Variants in CWF19L2 observed in about 807,000 individuals in gnomAD.
The protein encoded by CWF19L2 is CWF19 like cell cycle control factor 2.
Under a neutral mutation model 111.7 loss-of-function variants are expected in CWF19L2, and 98 were observed. That is an observed-to-expected ratio of 0.88 (90% CI 0.75 to 1.04). The LOEUF is 1.04. Ranked by LOEUF, CWF19L2 falls within the 50% of genes least tolerant of loss-of-function variation. The pLI, the probability that CWF19L2 is intolerant of heterozygous loss-of-function variation, is 0.00. For synonymous variants in CWF19L2, 351 were observed against 342.9 expected, an observed-to-expected ratio of 1.02 and a Z score of -0.26; for missense variants, 1,101 against 1,051.4, an observed-to-expected ratio of 1.05 and a Z score of -0.65.
intron 6 of CWF19L2, 134 bp from the exon 7 acceptor site, chr11:107,433,883 TATATATA>T (rs1861502117): frequency 7.5e-5 from 1 of 13,248 alleles, no homozygotes; most frequent in African/African-American, 3.3e-4. Flanking sequence ...TGGAATTTTA[TATATATA>T]TATATATATA....
chr11:107,355,804 C>T (rs753256415), intron 12 of CWF19L2, among the ~76,000 whole-genome samples: 2 of 151,994 alleles, frequency 1.3e-5, no homozygotes, highest in Non-Finnish European at 2.9e-5. Context: ...TTTTAAATAC[C>T]TCACTCTCTA....
At chr11:107,456,745 CAAG>C (rs1861861263) in intron 1 of CWF19L2, among the ~76,000 whole-genome samples, 1 of 151,848 alleles carries the variant, frequency 6.6e-6, no homozygotes, top group Non-Finnish European at 1.5e-5. Context: ...TTGGTGTAGG[CAAG>C]AAGATGAATA....
At chr11:107,362,294 A>T (rs535243) in intron 12 of CWF19L2, among the ~76,000 whole-genome samples, 5 of 151,634 alleles carry the variant, frequency 3.3e-5, no homozygotes, top group East Asian at 2.0e-4. Context: ...CAAAGCAGCC[A>T]GGAAGCTCGA....
At chr11:107,364,706 C>T (rs949580948) in intron 12 of CWF19L2, among the ~76,000 whole-genome samples, 1 of 111,482 alleles carries the variant, frequency 9.0e-6, no homozygotes, top group Non-Finnish European at 1.8e-5. Context: ...CACTAAATGC[C>T]CACAAGAGAA....
chr11:107,403,986 G>A (rs189032471), intron 10 of CWF19L2: 3 of 838,332 alleles, frequency 3.6e-6, no homozygotes, highest in East Asian at 2.4e-5. Flanking sequence ...CGAACGTCTG[G>A]CACCACACTC....
intron 10 of CWF19L2, among the ~76,000 whole-genome samples, chr11:107,408,963 T>C (rs1861119275): frequency 2.6e-5 from 4 of 152,150 alleles, no homozygotes; most frequent in South Asian, 4.1e-4. Flanking sequence ...AAAGTATTCA[T>C]TGAGTAAAGG....
At chr11:107,382,459 T>C (rs1467694084) in intron 12 of CWF19L2, among the ~76,000 whole-genome samples, 1 of 152,208 alleles carries the variant, frequency 6.6e-6, no homozygotes, top group Non-Finnish European at 1.5e-5. Flanking sequence ...CCCTCAGCTG[T>C]AAGATGTGAA....
chr11:107,403,402 T>C (rs1861034229), intron 10 of CWF19L2: 2 of 755,676 alleles, frequency 2.6e-6, no homozygotes, highest in Non-Finnish European at 2.4e-6. Context: ...GCAACACTTA[T>C]TCTTTTTTCT....
chr11:107,333,032 C>T (rs940165192), intron 16 of CWF19L2, among the ~76,000 whole-genome samples: 43 of 151,318 alleles, frequency 2.8e-4, no homozygotes, highest in African/African-American at 1.0e-3. Context: ...GCAGGAGAAT[C>T]ACTTGAACCT....
At chr11:107,336,534 T>C (rs1276685233) in intron 15 of CWF19L2, 24 bp downstream of exon 15, 1 of 1,563,704 alleles carries the variant, frequency 6.4e-7, no homozygotes, top group African/African-American at 1.4e-5. Flanking sequence ...AATAAGTGTA[T>C]ATGCAAAGAC....
intron 8 of CWF19L2, among the ~76,000 whole-genome samples, chr11:107,421,559 C>A (rs1315709289): frequency 1.3e-5 from 2 of 151,960 alleles, no homozygotes; most frequent in Non-Finnish European, 2.9e-5. Flanking sequence ...AAGCACTTTA[C>A]AAAAAGATAT....
chr11:107,339,311 T>A (rs2134529003), intron 14 of CWF19L2, among the ~76,000 whole-genome samples: 1 of 152,276 alleles, frequency 6.6e-6, no homozygotes, highest in South Asian at 2.1e-4. Flanking sequence ...CACAGGTTTT[T>A]GGGGAAATAT....
chr11:107,363,217 A>G (rs2508683), intron 12 of CWF19L2, among the ~76,000 whole-genome samples: 36,017 of 151,648 alleles, frequency 0.24, 4,812 homozygotes, highest in African/African-American at 0.36. Flanking sequence ...TGAAAGTGAC[A>G]GGGAGAATGG....
intron 7 of CWF19L2, among the ~76,000 whole-genome samples, chr11:107,433,258 C>T (rs1323874825): frequency 6.6e-6 from 1 of 152,004 alleles, no homozygotes; most frequent in African/African-American, 2.4e-5. Flanking sequence ...TATATATACA[C>T]TCTTTTAAAA....
At chr11:107,401,648 C>T (rs1861001503) in intron 10 of CWF19L2, among the ~76,000 whole-genome samples, 2 of 152,178 alleles carry the variant, frequency 1.3e-5, no homozygotes, top group South Asian at 4.1e-4. Flanking sequence ...GTGAAAATGA[C>T]CATACTGCCA....
rs560582705 is a variant in CWF19L2 at position 107,369,044 on chromosome 11, T to A, written c.1873-15308A>T. 8.7e-5 allele frequency among the ~76,000 whole-genome samples: 12 copies of A among 137,952 alleles called. 3 individuals are homozygous for A. The highest frequency in any genetic ancestry group is 3.5e-4 in the African/African-American group (12 of 34,680). 90.5% of individuals were successfully genotyped at this position (137,952 alleles called of 152,430 possible). ...TCCTGGAAACACAACCTCCCAAGAT[T>A]GAACCATTGGCCTTTCTTCCCTTTC... On this transcript the variant is annotated intron_variant, in intron 12 of 17. Coordinates refer to ENST00000282251, the MANE Select transcript of CWF19L2 (RefSeq NM_152434.3).
At position 107,429,189 on chromosome 11, in the gene CWF19L2, C is replaced by A; in HGVS notation, c.1043G>T (p.Arg348Ile). Residue 348 changes from arginine to isoleucine, a missense_variant, in exon 8 of 18, where the codon AGA (arginine) becomes ATA (isoleucine). Transcript: ENST00000282251. ...ATTTTGCCTTGGGTTAGATTCTCTTCTACACGTTTCTAAAGACCCAGGTCT... is the reference window on the plus strand; with the variant it reads ...ATTTTGCCTTGGGTTAGATTCTCTTATACACGTTTCTAAAGACCCAGGTCT... Reference protein sequence around the residue: ...DKRPGSLETCRRESNPRQNQE... With the variant: ...DKRPGSLETCIRESNPRQNQE... 1.2e-6 allele frequency: 2 copies of A among 1,613,770 alleles called. No homozygotes were observed. The highest frequency in any genetic ancestry group is 1.7e-6 in the Non-Finnish European group (2 of 1,179,794).
intron 13 of CWF19L2, among the ~76,000 whole-genome samples, chr11:107,353,262 A>C (rs1341807192): frequency 1.3e-5 from 2 of 152,186 alleles, no homozygotes; most frequent in East Asian, 1.9e-4. Context: ...AGGTATACAA[A>C]AATTATTTAT....
chr11:107,345,179 T>C (rs930507152), intron 14 of CWF19L2, among the ~76,000 whole-genome samples: 4 of 152,266 alleles, frequency 2.6e-5, no homozygotes, highest in Non-Finnish European at 5.9e-5. Flanking sequence ...AGATTGTCTC[T>C]ATTTTGTTAC....
Sources: allele counts gnomAD v4.1 joint callset (sites outside exome capture counted in the v4.1 genomes callset), GRCh38; gene constraint gnomAD v4.1.1; transcripts MANE v1.5; gene names NCBI Gene and HGNC (gene_info 2026-07-23, HGNC 2026-07-21).